The following CNTN6 variants were observed in gnomAD, a reference collection of about 807,000 sequenced individuals.
The protein encoded by CNTN6 is contactin-6.
A neutral mutation model predicts 122.8 loss-of-function variants in CNTN6; 137 were observed. The observed-to-expected ratio is 1.12, with a 90% CI of 0.97 to 1.29. The LOEUF (loss-of-function observed/expected upper bound fraction) is 1.29, where lower values mean the gene tolerates loss of function less well. CNTN6 is among the 50% of genes most tolerant of loss of function. The pLI is 0.00. For synonymous variants in CNTN6, 570 were observed against 426.0 expected (o/e 1.34, Z -4.16); for missense variants, 1,634 against 1,223.4 (o/e 1.34, Z -5.01).
intron 2 of CNTN6, among the ~76,000 whole-genome samples, chr3:1,160,417 G>C (rs73818456): frequency 0.18 from 26,161 of 141,854 alleles, 2,907 homozygotes; most frequent in East Asian, 0.33. Context: ...TTTCTGGCTT[G>C]TTTCATTCAA....
intron 7 of CNTN6, among the ~76,000 whole-genome samples, chr3:1,317,223 T>G (rs910098621): frequency 1.7e-4 from 25 of 150,818 alleles, no homozygotes; most frequent in Non-Finnish European, 2.8e-4. Context: ...TCATTATTTT[T>G]TGATAATTTG....
At chr3:1,333,268 C>A (rs918768432) in intron 11 of CNTN6, among the ~76,000 whole-genome samples, 1 of 151,958 alleles carries the variant, frequency 6.6e-6, no homozygotes, top group East Asian at 1.9e-4. Flanking sequence ...CTGTTCAATG[C>A]TATATTTGAA....
chr3:1,160,365 T>TATATATATATATATATATATAC (rs1486849078), intron 2 of CNTN6, among the ~76,000 whole-genome samples: 130 of 133,366 alleles, frequency 9.7e-4, no homozygotes, highest in African/African-American at 3.5e-3. Context: ...TATATATATA[T>TATATATATATATATATATATAC]ATACACACTA....
At chr3:1,373,808 G>A (rs765102358) in intron 15 of CNTN6, 46 bp downstream of exon 15, 1 of 1,515,416 alleles carries the variant, frequency 6.6e-7, no homozygotes, top group South Asian at 1.4e-5. Context: ...TAATATTTTA[G>A]TCCAATAATT....
At chr3:1,293,858 T>C (rs1290690817) in intron 5 of CNTN6, among the ~76,000 whole-genome samples, 1 of 152,192 alleles carries the variant, frequency 6.6e-6, no homozygotes, top group Non-Finnish European at 1.5e-5. Context: ...GTACACCTAA[T>C]GTCTTAGCTT....
chr3:1,300,091 C>T (rs1696938908), intron 7 of CNTN6, among the ~76,000 whole-genome samples: 1 of 152,094 alleles, frequency 6.6e-6, no homozygotes, highest in East Asian at 1.9e-4. Context: ...ATTCTCCTGC[C>T]TCAGCCTCCC....
intron 5 of CNTN6, among the ~76,000 whole-genome samples, chr3:1,287,849 A>T (rs774247432): frequency 1.3e-5 from 2 of 152,284 alleles, no homozygotes; most frequent in Non-Finnish European, 2.9e-5. Context: ...AGTCCTGGGA[A>T]TTCTCCTCCT....
At chr3:1,103,105 C>CA (rs1209460162) in intron 1 of CNTN6, among the ~76,000 whole-genome samples, 5 of 151,292 alleles carry the variant, frequency 3.3e-5, no homozygotes, top group Non-Finnish European at 5.9e-5. Context: ...GACTCCGTCT[C>CA]AAAAAATAAA....
intron 4 of CNTN6, among the ~76,000 whole-genome samples, chr3:1,264,240 T>G (rs2094891869): frequency 1.3e-5 from 2 of 152,160 alleles, no homozygotes; most frequent in Non-Finnish European, 2.9e-5. Flanking sequence ...AAGGTAAACC[T>G]GTACACATTT....
At chr3:1,253,665 A>G (rs1575434372) in intron 4 of CNTN6, among the ~76,000 whole-genome samples, 1 of 152,110 alleles carries the variant, frequency 6.6e-6, no homozygotes, top group African/African-American at 2.4e-5. Context: ...GGAGTGCACA[A>G]CCTAGATCCC....
At chr3:1,332,210 C>T (rs1224585209) in intron 11 of CNTN6, among the ~76,000 whole-genome samples, 1 of 151,926 alleles carries the variant, frequency 6.6e-6, no homozygotes, top group Non-Finnish European at 1.5e-5. Context: ...ACTACATCTC[C>T]ACCCGGTAGA....
chr3:1,100,140 G>C (rs944661117), intron 1 of CNTN6, among the ~76,000 whole-genome samples: 6 of 152,004 alleles, frequency 3.9e-5, no homozygotes, highest in Admixed American at 3.9e-4. Flanking sequence ...TGCTATTTAT[G>C]TGCATCTCCT....
At chr3:1,263,397 G>C (rs9872839) in intron 4 of CNTN6, among the ~76,000 whole-genome samples, 10,093 of 152,150 alleles carry the variant, frequency 0.066, 1,057 homozygotes, top group African/African-American at 0.23. Context: ...AATTTTGGAA[G>C]TGACAAGCCA....
intron 4 of CNTN6, among the ~76,000 whole-genome samples, chr3:1,271,062 G>T (rs1019146021): frequency 6.6e-6 from 1 of 152,106 alleles, no homozygotes; most frequent in Non-Finnish European, 1.5e-5. Flanking sequence ...ATTTTTAGTA[G>T]AGACAGGGTT....
chr3:1,374,731 C>G (rs1304488076), intron 16 of CNTN6, among the ~76,000 whole-genome samples: 1 of 152,066 alleles, frequency 6.6e-6, no homozygotes, highest in African/African-American at 2.4e-5. Context: ...AGTTCACATT[C>G]TTATTCGATC....
intron 4 of CNTN6, among the ~76,000 whole-genome samples, chr3:1,229,799 A>G (rs1242946507): frequency 6.6e-6 from 1 of 152,148 alleles, no homozygotes; most frequent in East Asian, 1.9e-4. Flanking sequence ...TTATCATAAA[A>G]TTTTCCATTT....
At chr3:1,235,503 T>G (rs896659433) in intron 4 of CNTN6, among the ~76,000 whole-genome samples, 3 of 151,934 alleles carry the variant, frequency 2.0e-5, no homozygotes, top group Non-Finnish European at 4.4e-5. Flanking sequence ...GTGTATATAA[T>G]TATCTGAATT....
intron 4 of CNTN6, among the ~76,000 whole-genome samples, chr3:1,241,369 G>GGGC (rs1014359818): frequency 1.3e-5 from 2 of 151,992 alleles, no homozygotes; most frequent in African/African-American, 4.8e-5. Flanking sequence ...GCGGGATTAG[G>GGGC]GGCAGTGTGG....
chr3:1,393,708 A>T (rs1311084301), intron 20 of CNTN6, among the ~76,000 whole-genome samples: 1 of 151,820 alleles, frequency 6.6e-6, no homozygotes. Flanking sequence ...GCAGTTATTG[A>T]GCCAAGACTC....
Sources: gnomAD v4.1 joint callset for allele counts (sites outside exome capture counted in the v4.1 genomes callset) on GRCh38, gnomAD v4.1.1 for gene constraint, MANE v1.5 for transcripts, NCBI Gene and HGNC (gene_info 2026-07-23, HGNC 2026-07-21) for gene names.